The following LSAMP variants were observed in gnomAD, a reference collection of about 807,000 sequenced individuals.
LSAMP encodes the protein limbic system associated membrane protein, also known as limbic system-associated membrane protein.
In LSAMP, 7 loss-of-function variants were observed where a neutral mutation model predicts 38.6. The ratio of observed to expected loss-of-function variants is 0.18; its 90% CI spans 0.10 to 0.34. The LOEUF (loss-of-function observed/expected upper bound fraction) is 0.34, where lower values mean the gene tolerates loss of function less well. Ranked by LOEUF, LSAMP falls within the 10% of genes least tolerant of loss-of-function variation. LSAMP has a pLI of 1.00. For synonymous variants in LSAMP, 154 were observed against 166.8 expected, an observed-to-expected ratio of 0.92 and a Z score of 0.59; for missense variants, 313 against 420.0, an observed-to-expected ratio of 0.75 and a Z score of 2.23.
At chr3:116,339,452 A>G (rs374537506) in intron 1 of LSAMP, among the ~76,000 whole-genome samples, 1 of 151,904 alleles carries the variant, frequency 6.6e-6, no homozygotes, top group African/African-American at 2.4e-5. Flanking sequence ...AATGACCGTC[A>G]CAGCCACTAA....
chr3:116,301,298 C>T (rs185985621), intron 1 of LSAMP, among the ~76,000 whole-genome samples: 7 of 152,112 alleles, frequency 4.6e-5, no homozygotes, highest in Admixed American at 3.9e-4. Context: ...AAAATATGAC[C>T]CTCTGACAAC....
intron 3 of LSAMP, among the ~76,000 whole-genome samples, chr3:115,860,326 A>T (rs1042221988): frequency 6.6e-6 from 1 of 152,236 alleles, no homozygotes; most frequent in African/African-American, 2.4e-5. Flanking sequence ...GCTTTGACCC[A>T]GGTCTGTGGA....
At chr3:116,391,104 G>A (rs2048688176) in intron 1 of LSAMP, among the ~76,000 whole-genome samples, 1 of 152,160 alleles carries the variant, frequency 6.6e-6, no homozygotes, top group South Asian at 2.1e-4. Context: ...CTCCCATTTG[G>A]GGTTCTTCCC....
intron 1 of LSAMP, among the ~76,000 whole-genome samples, chr3:116,244,351 C>T (rs1410422232): frequency 6.6e-6 from 1 of 152,060 alleles, no homozygotes; most frequent in Non-Finnish European, 1.5e-5. Context: ...GTCCTTTGAC[C>T]TAATCCTTCA....
intron 1 of LSAMP, among the ~76,000 whole-genome samples, chr3:116,091,694 AG>A (rs1242526307): frequency 6.6e-6 from 1 of 152,198 alleles, no homozygotes; most frequent in Non-Finnish European, 1.5e-5. Context: ...GAAGATAAAA[AG>A]ATGTATTTCA....
intron 3 of LSAMP, among the ~76,000 whole-genome samples, chr3:115,935,375 C>A (rs1937665543): frequency 6.6e-6 from 1 of 152,086 alleles, no homozygotes; most frequent in Admixed American, 6.6e-5. Context: ...TAAAGAGGCT[C>A]TTGAGAGAGT....
At chr3:115,886,209 C>CAG (rs1936449576) in intron 3 of LSAMP, among the ~76,000 whole-genome samples, 1 of 151,928 alleles carries the variant, frequency 6.6e-6, no homozygotes, top group Non-Finnish European at 1.5e-5. Flanking sequence ...TCTAGAAATA[C>CAG]CCTTACAGAC....
chr3:115,950,524 T>A (rs1160594407), intron 3 of LSAMP, among the ~76,000 whole-genome samples: 1 of 152,062 alleles, frequency 6.6e-6, no homozygotes, highest in East Asian at 1.9e-4. Context: ...TGCTTAGAAA[T>A]GTACCTAATC....
chr3:116,073,795 C>T (rs1381564827), intron 2 of LSAMP, among the ~76,000 whole-genome samples: 2 of 152,086 alleles, frequency 1.3e-5, no homozygotes, highest in Non-Finnish European at 2.9e-5. Context: ...TTTCATAAAA[C>T]ATGATAGTTA....
chr3:116,075,690 G>A lies in LSAMP; in HGVS notation c.388+10634C>T, dbSNP rs768843417. Reference sequence around the variant, plus strand: ...CAAGTAGCTGGGACTACAGGCCCACGCCACCACACCCGGCTAATTTTTGTA... The same window carrying A: ...CAAGTAGCTGGGACTACAGGCCCACACCACCACACCCGGCTAATTTTTGTA... On this transcript the variant is annotated intron_variant, in intron 2 of 6. Coordinates refer to ENST00000490035, the MANE Select transcript of LSAMP (RefSeq NM_002338.5). Among the ~76,000 whole-genome samples the A allele has an allele frequency of 1.9e-4, 28 of 151,324 alleles. 1 individual carries two copies. The highest frequency in any genetic ancestry group is 3.3e-4 in the Admixed American group (5 of 15,186).
chr3:116,339,376 AT>A (rs144651831), intron 1 of LSAMP, among the ~76,000 whole-genome samples: 3,920 of 151,878 alleles, frequency 0.026, 160 homozygotes, highest in African/African-American at 0.086. Context: ...GTTAAGAGCC[AT>A]AGTAAATAAA....
intron 3 of LSAMP, among the ~76,000 whole-genome samples, chr3:115,868,935 A>G (rs1281150821): frequency 2.0e-5 from 3 of 151,886 alleles, no homozygotes; most frequent in Non-Finnish European, 4.4e-5. Flanking sequence ...AATACACACA[A>G]TTCTACTCAG....
At chr3:116,338,965 A>G (rs2047956247) in intron 1 of LSAMP, among the ~76,000 whole-genome samples, 1 of 152,044 alleles carries the variant, frequency 6.6e-6, no homozygotes, top group African/African-American at 2.4e-5. Flanking sequence ...TCCTGCTGTG[A>G]TAGTTTCAGC....
chr3:116,230,342 A>G (rs550789022), intron 1 of LSAMP, among the ~76,000 whole-genome samples: 1 of 152,182 alleles, frequency 6.6e-6, no homozygotes, highest in Non-Finnish European at 1.5e-5. Context: ...GCTTTTTAGC[A>G]CATGAGATTG....
chr3:115,840,752 G>C (rs1934971123), intron 6 of LSAMP, among the ~76,000 whole-genome samples: 1 of 151,610 alleles, frequency 6.6e-6, no homozygotes, highest in Non-Finnish European at 1.5e-5. Flanking sequence ...TTTCTTGAAG[G>C]CTCATCTAAA....
intron 1 of LSAMP, among the ~76,000 whole-genome samples, chr3:116,370,423 C>T (rs536459208): frequency 6.6e-6 from 1 of 152,270 alleles, no homozygotes; most frequent in South Asian, 2.1e-4. Context: ...TATTTTGGAA[C>T]TCTAGAGTGT....
At position 116,307,013 on chromosome 3, in the gene LSAMP, T is replaced by C. The variant is rs1304539467; in HGVS notation, c.155+137864A>G. ...CTTTGGAAATGAAGGGTATGTGTTC[T>C]TTGCTCAGCATTTCCAGGTTTGTTC... On this transcript the variant is annotated intron_variant, in intron 1 of 6. Coordinates refer to ENST00000490035, the MANE Select transcript of LSAMP (RefSeq NM_002338.5). 2.6e-5 allele frequency among the ~76,000 whole-genome samples: 4 copies of C among 152,026 alleles called. No homozygotes were observed. In the East Asian group the frequency reaches 7.7e-4, roughly 29 times the overall value.
chr3:116,302,043 A>AAATC (rs1422511702), intron 1 of LSAMP, among the ~76,000 whole-genome samples: 1 of 152,184 alleles, frequency 6.6e-6, no homozygotes, highest in East Asian at 1.9e-4. Flanking sequence ...TCCAAATATT[A>AAATC]AATCAATACT....
chr3:116,068,707 A>G (rs1377123482), intron 2 of LSAMP, among the ~76,000 whole-genome samples: 1 of 152,250 alleles, frequency 6.6e-6, no homozygotes, highest in Non-Finnish European at 1.5e-5. Context: ...AACTATCTCA[A>G]CATTCTATAT....
Sources: allele counts gnomAD v4.1 joint callset (sites outside exome capture counted in the v4.1 genomes callset), GRCh38; gene constraint gnomAD v4.1.1; transcripts MANE v1.5; gene names NCBI Gene and HGNC (gene_info 2026-07-23, HGNC 2026-07-21).